Variants in CST9 observed in about 807,000 individuals in gnomAD.
The protein encoded by CST9 is cystatin-9.
Under a neutral mutation model 7.7 loss-of-function variants are expected in CST9, and 11 were observed. That is an observed-to-expected ratio of 1.44 (90% CI 0.90 to 2.38). CST9 has a LOEUF of 2.38. CST9 is among the 30% of genes most tolerant of loss of function. CST9 has a pLI of 0.00. For synonymous variants in CST9, 71 were observed against 74.3 expected (o/e 0.96, Z 0.23); for missense variants, 214 against 199.1 (o/e 1.07, Z -0.45).
chr20:23,602,744 G>A lies in CST9; in HGVS notation c.*766C>T. 3.0e-6 allele frequency: 3 copies of A among 985,646 alleles called. No homozygotes were observed. Among genetic ancestry groups the A allele is most frequent in the Non-Finnish European group, 3.6e-6 (3 of 830,114 alleles). 61.1% of individuals were successfully genotyped at this position (985,646 alleles called of 1,614,324 possible). A position where few individuals can be genotyped will look rare whatever the true frequency, so the allele number is the denominator to read the frequency against. ...GGGAACAAACAGGAAGAGACAGTAG[G>A]GCGGGGTTTGGGGAGGTTCGGGAAT... On this transcript the variant is annotated 3_prime_UTR_variant, in exon 2 of 2. Coordinates refer to ENST00000376971, the MANE Select transcript of CST9 (RefSeq NM_001008693.3).
rs996431503 is a variant in CST9, at chr20:23,603,162, C to T, written c.*348G>A. 4 of 1,098,588 alleles carry T rather than the reference C, an allele frequency of 3.6e-6. No individual in the cohort carries two copies. In the African/African-American group the frequency reaches 4.9e-5, roughly 13 times the overall value. 68.1% of individuals were successfully genotyped at this position (1,098,588 alleles called of 1,614,324 possible). On this transcript the variant is annotated 3_prime_UTR_variant, in exon 2 of 2. Coordinates refer to ENST00000376971, the MANE Select transcript of CST9 (RefSeq NM_001008693.3). ...TGGAGCTCGTCCCCTAGAGCAGGTGCTGCAGCTCAGCAGGGCCTAGGAGCG... is the reference window on the plus strand; with the variant it reads ...TGGAGCTCGTCCCCTAGAGCAGGTGTTGCAGCTCAGCAGGGCCTAGGAGCG...
At chr20:23,604,395 T>C (rs527775549) in intron 1 of CST9, among the ~76,000 whole-genome samples, 5 of 152,330 alleles carry the variant, frequency 3.3e-5, no homozygotes, top group African/African-American at 1.2e-4. Context: ...ATGCTGGGAT[T>C]GCCATATCCA....
intron 1 of CST9, among the ~76,000 whole-genome samples, chr20:23,604,986 A>G (rs1978721800): frequency 6.6e-6 from 1 of 152,264 alleles, no homozygotes; most frequent in Non-Finnish European, 1.5e-5. Context: ...ATTTCATCAA[A>G]AAGGCAAGCA....
At chr20:23,605,506 T>C (rs1600347858) in intron 1 of CST9, 104 bp downstream of exon 1, 1 of 1,321,168 alleles carries the variant, frequency 7.6e-7, no homozygotes, top group Non-Finnish European at 1.0e-6. Flanking sequence ...ACTACCTGAC[T>C]ATGGACTGCT....
chr20:23,604,447 G>C (rs1214170669), intron 1 of CST9, among the ~76,000 whole-genome samples: 1 of 152,134 alleles, frequency 6.6e-6, no homozygotes, highest in Non-Finnish European at 1.5e-5. Context: ...TGTCATTTAG[G>C]ACTTATAGAC....
In CST9 at chr20:23,603,600, A is replaced by G. The variant is rs916836673; in HGVS notation, c.390T>C (p.Phe130=). 6.2e-7 allele frequency: 1 copy of G among 1,614,042 alleles called. No individual in the cohort carries two copies. The highest frequency in any genetic ancestry group is 8.5e-7 in the Non-Finnish European group (1 of 1,179,904). ...AGCATCCACAGCTGTGGACCTGAGGAAAGCTGATGCCCTGTCTTACGTTGT... is the reference window on the plus strand; with the variant it reads ...AGCATCCACAGCTGTGGACCTGAGGGAAGCTGATGCCCTGTCTTACGTTGT... ...ELNNVRQGIS[F]PQVHSCGCCM... is the part of the protein sequence containing the mutation. Residue 130 remains phenylalanine, a synonymous_variant, in exon 2 of 2, where the codon TTT becomes TTC. Transcript: ENST00000376971.
At position 23,603,622 on chromosome 20, in the gene CST9, T is replaced by C. The variant is rs199726022; in HGVS notation, c.368A>G (p.Asn123Ser). The C allele has an allele frequency of 1.7e-4, 272 of 1,614,216 alleles. 1 individual carries two copies. The highest frequency in any genetic ancestry group is 1.2e-3 in the East Asian group (53 of 44,882). The change falls in exon 2 of 2, where the codon AAC becomes AGC. Residue 123 changes from asparagine to serine, a missense_variant. Transcript: ENST00000376971. The stretch of plus-strand genomic sequence containing the variant: ...AGGAAAGCTGATGCCCTGTCTTACG[T>C]TGTTCAGCTCCAGGCTTTCTTGAAA... ...CPFQESLELN[N>S]VRQGISFPQV...
In CST9 at chr20:23,602,629, G is replaced by A; in HGVS notation, c.*881C>T. On this transcript the variant is annotated 3_prime_UTR_variant, in exon 2 of 2. Coordinates refer to ENST00000376971, the MANE Select transcript of CST9 (RefSeq NM_001008693.3). ...AGGCATGTGAGTGGCTTCCACTCAG[G>A]AGAGCCCCTCTGAGCAGGTCTTGTT... is the stretch of plus-strand genomic sequence containing the variant. The A allele has an allele frequency of 2.1e-6, 2 of 940,750 alleles. No individual in the cohort carries two copies. The highest frequency in any genetic ancestry group is 2.5e-6 in the Non-Finnish European group (2 of 789,288). 58.3% of individuals were successfully genotyped at this position (940,750 alleles called of 1,614,324 possible). A position where few individuals can be genotyped will look rare whatever the true frequency, so the allele number is the denominator to read the frequency against.
At chr20:23,604,313 C>T (rs1309850780) in intron 1 of CST9, among the ~76,000 whole-genome samples, 1 of 152,196 alleles carries the variant, frequency 6.6e-6, no homozygotes, top group Non-Finnish European at 1.5e-5. Flanking sequence ...TGCCCTCCTT[C>T]CCACTCCATT....
rs776366146 is a variant in CST9, at chr20:23,603,656, T to C, written c.334A>G (p.Asn112Asp). The change falls in exon 2 of 2, where the codon AAC becomes GAC. Residue 112 changes from asparagine to aspartate, a missense_variant. Physicochemically the swap from Asn to Asp is conservative, Grantham distance 23. Transcript: ENST00000376971. ...VCRKFEDDID[N>D]CPFQESLELN... ...TCCAGGCTTTCTTGAAAAGGGCAGT[T>C]GTCAATGTCATCTTCAAATTTCCTA... 2 of 1,614,230 alleles carry C rather than the reference T, an allele frequency of 1.2e-6. No individual in the cohort carries two copies. Among genetic ancestry groups the C allele is most frequent in the Non-Finnish European group, 8.5e-7 (1 of 1,180,046 alleles).
At position 23,602,580 on chromosome 20, in the gene CST9, CG is replaced by C. The variant is rs1568691786; in HGVS notation, c.*929del. 1 of 474,402 alleles carries C rather than the reference CG, an allele frequency of 2.1e-6. No homozygotes were observed. The highest frequency in any genetic ancestry group is 2.8e-6 in the Non-Finnish European group (1 of 362,980). 29.4% of individuals were successfully genotyped at this position (474,402 alleles called of 1,614,324 possible). A position where few individuals can be genotyped will look rare whatever the true frequency, so the allele number is the denominator to read the frequency against. On this transcript the variant is annotated 3_prime_UTR_variant, in exon 2 of 2. Coordinates refer to ENST00000376971, the MANE Select transcript of CST9 (RefSeq NM_001008693.3). ...AACTCCTGGGAACAGCTGGTGTCCA[CG>C]GGGGAGGGGGCAGCATGTGGCCAGG...
chr20:23,603,057 G>C lies in CST9; in HGVS notation c.*453C>G. 9.9e-7 allele frequency: 1 copy of C among 1,013,778 alleles called. No homozygotes were observed. Among genetic ancestry groups the C allele is most frequent in the Non-Finnish European group, 1.2e-6 (1 of 847,788 alleles). 62.8% of individuals were successfully genotyped at this position (1,013,778 alleles called of 1,614,324 possible). A position where few individuals can be genotyped will look rare whatever the true frequency, so the allele number is the denominator to read the frequency against. On this transcript the variant is annotated 3_prime_UTR_variant, in exon 2 of 2. Coordinates refer to ENST00000376971, the MANE Select transcript of CST9 (RefSeq NM_001008693.3). ...CAGTGGAAGCAGTTCCCAGACTTAG[G>C]CAATTAGTTACCTATTTGTTAATCT...
intron 1 of CST9, among the ~76,000 whole-genome samples, chr20:23,604,017 G>T (rs553756892): frequency 6.6e-6 from 1 of 152,146 alleles, no homozygotes; most frequent in Non-Finnish European, 1.5e-5. Context: ...CATTTCCCAC[G>T]GTGAGACTCC....
At position 23,605,911 on chromosome 20, in the gene CST9, G is replaced by T. The variant is rs374659156; in HGVS notation, c.-47C>A. ...TGCCTTTGCCCTTCAGATCCCTGGC[G>T]TCCACTGGAGCCTTCCAGGGCTCAG... On this transcript the variant is annotated 5_prime_UTR_variant, in exon 1 of 2. Coordinates refer to ENST00000376971, the MANE Select transcript of CST9 (RefSeq NM_001008693.3). The T allele has an allele frequency of 3.4e-5, 55 of 1,603,384 alleles. No homozygotes were observed. The highest frequency in any genetic ancestry group is 3.4e-6 in the Non-Finnish European group (4 of 1,174,974).
chr20:23,603,878 G>C (rs1488738656), intron 1 of CST9, 144 bp from the exon 2 acceptor site: 4 of 841,268 alleles, frequency 4.8e-6, no homozygotes, highest in Non-Finnish European at 7.5e-6. Flanking sequence ...CAGCTCACTG[G>C]AGGTGAAACC....
At chr20:23,604,917 A>G (rs1226017715) in intron 1 of CST9, among the ~76,000 whole-genome samples, 2 of 152,242 alleles carry the variant, frequency 1.3e-5, no homozygotes, top group Non-Finnish European at 2.9e-5. Context: ...CTAGGAGGGC[A>G]TTTTAATTGT....
In CST9 at chr20:23,603,113, G is replaced by A; in HGVS notation, c.*397C>T. 2 of 1,045,276 alleles carry A rather than the reference G, an allele frequency of 1.9e-6. No homozygotes were observed. Among genetic ancestry groups the A allele is most frequent in the Non-Finnish European group, 2.3e-6 (2 of 868,240 alleles). The allele number at this position is 1,045,276 out of a possible 1,614,324, so 64.8% of individuals were successfully genotyped here. A position where few individuals can be genotyped will look rare whatever the true frequency, so the allele number is the denominator to read the frequency against. On this transcript the variant is annotated 3_prime_UTR_variant, in exon 2 of 2. Coordinates refer to ENST00000376971, the MANE Select transcript of CST9 (RefSeq NM_001008693.3). Reference sequence around the variant, plus strand: ...TAAGGGGGTTGACTAAGAATGGGAAGTTTTCCCAGAGCCAGGCTTTGCTTG... The same window carrying A: ...TAAGGGGGTTGACTAAGAATGGGAAATTTTCCCAGAGCCAGGCTTTGCTTG...
rs1568691995 is a variant in CST9, at chr20:23,603,149, C to T, written c.*361G>A. ...GCCAGGCTTTGCTTGGAGCTCGTCC[C>T]CTAGAGCAGGTGCTGCAGCTCAGCA... On this transcript the variant is annotated 3_prime_UTR_variant, in exon 2 of 2. Coordinates refer to ENST00000376971, the MANE Select transcript of CST9 (RefSeq NM_001008693.3). 2.8e-6 allele frequency: 3 copies of T among 1,078,732 alleles called. No homozygotes were observed. Among genetic ancestry groups the T allele is most frequent in the Non-Finnish European group, 3.4e-6 (3 of 890,066 alleles). The allele number at this position is 1,078,732 out of a possible 1,614,324, so 66.8% of individuals were successfully genotyped here.
intron 1 of CST9, 26 bp from the exon 2 acceptor site, chr20:23,603,760 G>T: frequency 6.2e-7 from 1 of 1,610,532 alleles, no homozygotes; most frequent in Non-Finnish European, 8.5e-7. Context: ...AGATTAAAGT[G>T]GATGCACCGT....
Sources: allele counts gnomAD v4.1 joint callset (sites outside exome capture counted in the v4.1 genomes callset), GRCh38; gene constraint gnomAD v4.1.1; transcripts MANE v1.5; gene names NCBI Gene and HGNC (gene_info 2026-07-23, HGNC 2026-07-21).